Variants in ERP27 observed in about 807,000 individuals in gnomAD.
ERP27 encodes the protein endoplasmic reticulum protein 27.
Under a neutral mutation model 27.7 loss-of-function variants are expected in ERP27, and 23 were observed. The ratio of observed to expected loss-of-function variants is 0.83; its 90% confidence interval spans 0.60 to 1.18. ERP27 has a LOEUF of 1.18. Ranked by LOEUF, ERP27 falls within the 50% of genes most tolerant of loss-of-function variation. ERP27 has a pLI of 0.00. For missense variants in ERP27, 363 were observed against 327.9 expected (o/e 1.11, Z -0.83); for synonymous variants, 159 against 118.3 (o/e 1.34, Z -2.23).
intron 3 of ERP27, among the ~76,000 whole-genome samples, chr12:14,923,023 G>A (rs1330575912): frequency 2.7e-5 from 4 of 148,860 alleles, no homozygotes; most frequent in Non-Finnish European, 4.4e-5. Flanking sequence ...GCAGTGAGCC[G>A]AGAACGTGCC....
chr12:14,929,966 G>T (rs1292864105), intron 3 of ERP27, among the ~76,000 whole-genome samples: 2 of 149,498 alleles, frequency 1.3e-5, no homozygotes, highest in Non-Finnish European at 3.0e-5. Context: ...TTAAAAAAAA[G>T]TTTCATCATG....
rs145123113 is a variant in ERP27 at position 14,925,826 on chromosome 12, T to A, written c.334-4778A>T. On this transcript the variant is annotated intron_variant, in intron 3 of 6. Transcript: ENST00000266397. Reference sequence around the variant, plus strand: ...GGCTCACGTCTGTAATCCCAGCACTTTGGGAGGCTGAGGTGGGTAGACCAC... The same window carrying A: ...GGCTCACGTCTGTAATCCCAGCACTATGGGAGGCTGAGGTGGGTAGACCAC... 7.1e-3 allele frequency among the ~76,000 whole-genome samples: 1,084 copies of A among 152,124 alleles called. 22 individuals carry two copies. Among genetic ancestry groups the A allele is most frequent in the East Asian group, 0.033 (172 of 5,178 alleles).
chr12:14,917,081 T>C, intron 5 of ERP27, 97 bp downstream of exon 5: 1 of 1,440,842 alleles, frequency 6.9e-7, no homozygotes, highest in Non-Finnish European at 9.5e-7. Context: ...CTAACCATAG[T>C]TGTTTTCCTT....
Position 14,914,682 on chromosome 12 carries a change from C to T in ERP27, c.*53G>A. 1 of 1,542,622 alleles carries T rather than the reference C, an allele frequency of 6.5e-7. No homozygotes were observed. The highest frequency in any genetic ancestry group is 8.9e-7 in the Non-Finnish European group (1 of 1,124,052). ...AGTGTCTCTGAGATTTGAGTTGTGC[C>T]TTTTTACTTTGCATAAAGTAGATAC... On this transcript the variant is annotated 3_prime_UTR_variant, in exon 7 of 7. Coordinates refer to ENST00000266397, the MANE Select transcript of ERP27 (RefSeq NM_152321.4).
rs1863494355 is a variant in ERP27 at position 14,921,001 on chromosome 12, A to G, written c.381T>C (p.Ile127=). 1 of 1,614,170 alleles carries G rather than the reference A, an allele frequency of 6.2e-7. No homozygotes were observed. ...TGAAACGGCTCAATTTGGTGGCATC[A>G]ATGCTTTCAATGTCTTCGTCCTCTA... ...LNLEDEDIES[I]DATKLSRFIE... is the part of the protein sequence containing the mutation. Residue 127 remains isoleucine, a synonymous_variant, in exon 4 of 7, where the codon ATT becomes ATC. Transcript: ENST00000266397.
intron 5 of ERP27, 76 bp downstream of exon 5, chr12:14,917,102 G>A (rs1863421862): frequency 6.4e-7 from 1 of 1,550,692 alleles, no homozygotes. Context: ...ATTTATCTCT[G>A]CTTCCTAGCC....
intron 2 of ERP27, among the ~76,000 whole-genome samples, chr12:14,936,180 A>G (rs1357152458): frequency 6.6e-6 from 1 of 152,186 alleles, no homozygotes; most frequent in African/African-American, 2.4e-5. Context: ...GACGCCATCA[A>G]AAGGGCCAAA....
intron 4 of ERP27, 47 bp downstream of exon 4, chr12:14,920,885 C>T: frequency 3.4e-6 from 5 of 1,479,730 alleles, no homozygotes; most frequent in Non-Finnish European, 4.7e-6. Flanking sequence ...CCAGTACCTT[C>T]CCCGACTCAG....
At chr12:14,935,222 A>AGTCTCAGG in intron 2 of ERP27, 2 of 895,244 alleles carry the variant, frequency 2.2e-6, no homozygotes, top group Non-Finnish European at 2.7e-6. Context: ...TGAGCCTGAG[A>AGTCTCAGG]CTCCTGTCAG....
rs771184674 is a variant in ERP27 at position 14,937,990 on chromosome 12, T to C, written c.157A>G (p.Ile53Val). The C allele has an allele frequency of 2.5e-6, 4 of 1,613,946 alleles. No individual in the cohort carries two copies. The highest frequency in any genetic ancestry group is 2.5e-6 in the Non-Finnish European group (3 of 1,179,936). Reference sequence around the variant, plus strand: ...ATGACAGCCACCTCAGTGGCAGCAATGAATTCCATGGCAGCTGGGACATCT... The same window carrying C: ...ATGACAGCCACCTCAGTGGCAGCAACGAATTCCATGGCAGCTGGGACATCT... The part of the protein sequence containing the change: ...LTDVPAAMEF[I>V]AATEVAVIGF... The change falls in exon 2 of 7, where the codon ATT becomes GTT. Residue 53 changes from isoleucine (I) to valine (V), a missense_variant. Transcript: ENST00000266397.
rs773250478 is a variant in ERP27, at chr12:14,921,061, A to C, written c.334-13T>G. On this transcript the variant is annotated splice_polypyrimidine_tract_variant and intron_variant, in intron 3 of 6. Coordinates refer to ENST00000266397, the MANE Select transcript of ERP27 (RefSeq NM_152321.4). ...GTTCATTGTCTACCTGGATAACACA[A>C]AAAAGAATGAAGTCACTATTCCATC... 3 of 1,599,166 alleles carry C rather than the reference A, an allele frequency of 1.9e-6. No homozygotes were observed. In the African/African-American group the frequency reaches 4.0e-5, roughly 21 times the overall value.
chr12:14,934,722 C>T, intron 3 of ERP27, 134 bp downstream of exon 3: 1 of 1,117,230 alleles, frequency 9.0e-7, no homozygotes, highest in Non-Finnish European at 1.3e-6. Context: ...AGTCATCATC[C>T]TTGTCAACAA....
intron 2 of ERP27, among the ~76,000 whole-genome samples, chr12:14,937,530 C>T (rs1365699230): frequency 6.6e-6 from 1 of 152,168 alleles, no homozygotes; most frequent in South Asian, 2.1e-4. Flanking sequence ...TGACTAATGT[C>T]CAGGATGTTT....
intron 3 of ERP27, among the ~76,000 whole-genome samples, chr12:14,932,069 C>A (rs527584404): frequency 6.0e-4 from 91 of 152,242 alleles, no homozygotes; most frequent in African/African-American, 2.2e-3. Context: ...TTCAGACATG[C>A]TTTTGGAGGT....
chr12:14,926,990 T>A (rs1419225738), intron 3 of ERP27, among the ~76,000 whole-genome samples: 1 of 152,218 alleles, frequency 6.6e-6, no homozygotes, highest in Non-Finnish European at 1.5e-5. Context: ...TTTGGCTGTT[T>A]AATATATATT....
chr12:14,928,850 C>G, intron 3 of ERP27: 1 of 1,293,664 alleles, frequency 7.7e-7, no homozygotes, highest in South Asian at 1.3e-5. Flanking sequence ...TTCCCCTTCC[C>G]TTGCCCATAT....
At chr12:14,936,103 C>A (rs1334763709) in intron 2 of ERP27, among the ~76,000 whole-genome samples, 1 of 151,980 alleles carries the variant, frequency 6.6e-6, no homozygotes, top group Non-Finnish European at 1.5e-5. Flanking sequence ...CCCACCGGCT[C>A]TTCCTCTTGA....
chr12:14,920,892 T>G (rs1863491322), intron 4 of ERP27, 40 bp downstream of exon 4: 1 of 1,528,446 alleles, frequency 6.5e-7, no homozygotes, highest in South Asian at 1.1e-5. Flanking sequence ...CTTCCCCGAC[T>G]CAGGGTCTGA....
intron 6 of ERP27, among the ~76,000 whole-genome samples, chr12:14,915,001 T>C (rs1863386243): frequency 6.6e-6 from 1 of 152,168 alleles, no homozygotes; most frequent in Non-Finnish European, 1.5e-5. Flanking sequence ...TCTCACGATA[T>C]ATCCTAACAA....
Sources: gnomAD v4.1 joint callset for allele counts (sites outside exome capture counted in the v4.1 genomes callset) on GRCh38, gnomAD v4.1.1 for gene constraint, MANE v1.5 for transcripts, NCBI Gene and HGNC (gene_info 2026-07-23, HGNC 2026-07-21) for gene names.